The following SYT1 variants were observed in gnomAD, a reference collection of about 807,000 sequenced individuals.
The protein encoded by SYT1 is synaptotagmin-1.
SYT1 carries 8 observed loss-of-function variants against 44.8 expected under a neutral mutation model. The observed-to-expected ratio is 0.18, with a 90% CI of 0.10 to 0.32. The LOEUF (loss-of-function observed/expected upper bound fraction) is 0.32. Ranked by LOEUF, SYT1 falls within the 10% of genes least tolerant of loss-of-function variation. The pLI, the probability that SYT1 is intolerant of heterozygous loss-of-function variation, is 1.00. For synonymous variants in SYT1, 154 were observed against 188.8 expected (o/e 0.82, Z 1.51); for missense variants, 286 against 509.3 (o/e 0.56, Z 4.22).
At chr12:78,871,706 C>T (rs945140770) in intron 1 of SYT1, among the ~76,000 whole-genome samples, 4 of 151,842 alleles carry the variant, frequency 2.6e-5, no homozygotes, top group Non-Finnish European at 5.9e-5. Context: ...AGGAAAAAGA[C>T]AAGGAAGCAA....
chr12:79,178,825 T>A (rs1366364723), intron 3 of SYT1, among the ~76,000 whole-genome samples: 2 of 149,818 alleles, frequency 1.3e-5, no homozygotes, highest in East Asian at 2.0e-4. Flanking sequence ...TAGCCCAGGC[T>A]GGAGTGCGAT....
chr12:79,314,037 C>A (rs1446636192), intron 8 of SYT1, among the ~76,000 whole-genome samples: 1 of 150,548 alleles, frequency 6.6e-6, no homozygotes, highest in Non-Finnish European at 1.5e-5. Flanking sequence ...GGCGTGGTAG[C>A]GGGCGCCTGT....
At chr12:79,413,905 CTCTT>C (rs1868576343) in intron 9 of SYT1, among the ~76,000 whole-genome samples, 1 of 152,166 alleles carries the variant, frequency 6.6e-6, no homozygotes, top group Non-Finnish European at 1.5e-5. Context: ...AACCATAACT[CTCTT>C]TTCCTCTATA....
At chr12:79,405,314 T>C (rs1885206238) in intron 9 of SYT1, among the ~76,000 whole-genome samples, 1 of 152,114 alleles carries the variant, frequency 6.6e-6, no homozygotes, top group African/African-American at 2.4e-5. Flanking sequence ...AACCCCAAAA[T>C]TCCAAACAGG....
intron 5 of SYT1, chr12:79,291,773 C>T (rs1164374708): frequency 1.6e-6 from 1 of 621,294 alleles, no homozygotes; most frequent in East Asian, 3.4e-5. Context: ...TTGCAATATT[C>T]TGAGGGGCTT....
In SYT1 at chr12:79,172,709, T is replaced by C. The variant is rs1871602464; in HGVS notation, c.-17-44794T>C. Among the ~76,000 whole-genome samples the C allele has an allele frequency of 2.0e-5, 3 of 151,774 alleles. No homozygotes were observed. The South Asian group carries it at 6.2e-4, about 31-fold the overall frequency. On this transcript the variant is annotated intron_variant, in intron 3 of 10. Coordinates refer to ENST00000261205, the MANE Select transcript of SYT1 (RefSeq NM_005639.3). ...TCAATTTTCTAGTGAATTATAGTTA[T>C]CTGTAAACAGTTTTGATTATGAAAC... is the stretch of plus-strand genomic sequence containing the variant.
intron 3 of SYT1, among the ~76,000 whole-genome samples, chr12:79,083,934 A>G (rs1174346753): frequency 1.3e-5 from 2 of 152,114 alleles, no homozygotes; most frequent in South Asian, 4.1e-4. Flanking sequence ...CAAAATCACA[A>G]TGGAAGATTC....
At chr12:79,144,767 A>T (rs1565825377) in intron 3 of SYT1, among the ~76,000 whole-genome samples, 1 of 152,174 alleles carries the variant, frequency 6.6e-6, no homozygotes, top group East Asian at 1.9e-4. Flanking sequence ...AATTACCAAT[A>T]ATTCTGTTTT....
chr12:79,008,708 T>C (rs915630450), intron 2 of SYT1, among the ~76,000 whole-genome samples: 2 of 152,092 alleles, frequency 1.3e-5, no homozygotes, highest in Non-Finnish European at 2.9e-5. Context: ...ATCAGCAGTA[T>C]GTTGGATACG....
rs548340858 is a variant in SYT1, at chr12:79,045,330, A to C, written c.-83-1967A>C. On this transcript the variant is annotated intron_variant, in intron 2 of 10. Coordinates refer to ENST00000261205, the MANE Select transcript of SYT1 (RefSeq NM_005639.3). ...GCGGGATATAATCTCGTGGTGCGCC[A>C]TTTTTTAAGCCGGTCGGAAAAGCGC... Among the ~76,000 whole-genome samples the C allele has an allele frequency of 8.2e-4, 125 of 151,822 alleles. 2 individuals carry two copies. Among genetic ancestry groups the C allele is most frequent in the Admixed American group, 3.7e-3 (56 of 15,288 alleles).
chr12:79,019,812 A>G (rs1285706936), intron 2 of SYT1, among the ~76,000 whole-genome samples: 1 of 152,034 alleles, frequency 6.6e-6, no homozygotes, highest in East Asian at 1.9e-4. Flanking sequence ...AATTCTTGTT[A>G]CAGTACTAAA....
intron 3 of SYT1, among the ~76,000 whole-genome samples, chr12:79,055,330 C>A (rs958148405): frequency 2.6e-5 from 4 of 151,896 alleles, no homozygotes; most frequent in East Asian, 1.9e-4. Context: ...CATTATCTTT[C>A]ATGACTCTGA....
intron 3 of SYT1, among the ~76,000 whole-genome samples, chr12:79,118,497 G>A (rs961123983): frequency 6.6e-6 from 1 of 152,130 alleles, no homozygotes; most frequent in South Asian, 2.1e-4. Flanking sequence ...ATGGTAGACT[G>A]TCTTTTTCTG....
At chr12:78,880,018 C>T (rs1874370547) in intron 1 of SYT1, among the ~76,000 whole-genome samples, 1 of 151,756 alleles carries the variant, frequency 6.6e-6, no homozygotes, top group Non-Finnish European at 1.5e-5. Flanking sequence ...CAGAATCACT[C>T]AGAACTTTGC....
chr12:79,088,738 C>CTG (rs571903732), intron 3 of SYT1, among the ~76,000 whole-genome samples: 29,612 of 137,008 alleles, frequency 0.22, 3,348 homozygotes, highest in East Asian at 0.4. Context: ...GGCTTTGGGC[C>CTG]TGTGTGTGTG....
At chr12:79,260,960 CAT>C (rs1877798828) in intron 4 of SYT1, among the ~76,000 whole-genome samples, 1 of 152,110 alleles carries the variant, frequency 6.6e-6, no homozygotes, top group African/African-American at 2.4e-5. Context: ...AGAAATCCTG[CAT>C]GTCTGCATCA....
intron 2 of SYT1, among the ~76,000 whole-genome samples, chr12:79,035,654 A>G (rs766260456): frequency 1.9e-4 from 29 of 151,546 alleles, no homozygotes; most frequent in Admixed American, 2.0e-4. Context: ...CATCACTGCC[A>G]TGCCAGCTTC....
chr12:78,984,210 C>T (rs765800080), intron 2 of SYT1, among the ~76,000 whole-genome samples: 4 of 151,662 alleles, frequency 2.6e-5, no homozygotes, highest in Non-Finnish European at 5.9e-5. Flanking sequence ...AAAACAATTA[C>T]AGCCCTTACA....
At chr12:79,026,668 TATATATA>T (rs1233908648) in intron 2 of SYT1, among the ~76,000 whole-genome samples, 2 of 6,508 alleles carry the variant, frequency 3.1e-4, no homozygotes, top group African/African-American at 6.4e-4. Flanking sequence ...ATATATATTT[TATATATA>T]TATATATATA....
Sources: allele counts gnomAD v4.1 joint callset (sites outside exome capture counted in the v4.1 genomes callset), GRCh38; gene constraint gnomAD v4.1.1; transcripts MANE v1.5; gene names NCBI Gene and HGNC (gene_info 2026-07-23, HGNC 2026-07-21).